KSR1: variants seen among roughly 807,000 people sequenced by gnomAD.
KSR1 encodes the protein kinase suppressor of ras 1.
Under a neutral mutation model 92.9 loss-of-function variants are expected in KSR1, and 35 were observed. That is an observed-to-expected ratio of 0.38 (90% CI 0.29 to 0.50). KSR1 has a LOEUF of 0.50. Among genes scored for constraint, KSR1 ranks in the 20% least tolerant of loss-of-function variants. The pLI, the probability that KSR1 is intolerant of heterozygous loss-of-function variation, is 0.94. For missense variants in KSR1, 972 were observed against 1,158.5 expected, an observed-to-expected ratio of 0.84 and a Z score of 2.34; for synonymous variants, 467 against 472.6, an observed-to-expected ratio of 0.99 and a Z score of 0.15.
At chr17:27,566,990 G>T (rs1017581508) in intron 2 of KSR1, among the ~76,000 whole-genome samples, 1 of 152,162 alleles carries the variant, frequency 6.6e-6, no homozygotes, top group Admixed American at 6.5e-5. Flanking sequence ...TGACTTTGGG[G>T]TCACACAGAC....
chr17:27,590,915 G>T (rs543824081), intron 7 of KSR1, 21 bp downstream of exon 7: 1 of 1,594,864 alleles, frequency 6.3e-7, no homozygotes, highest in African/African-American at 1.3e-5. Flanking sequence ...GAGGAGTGGG[G>T]GTGGGGGGAG....
chr17:27,544,322 C>T (rs917958470), intron 1 of KSR1, among the ~76,000 whole-genome samples: 5 of 152,148 alleles, frequency 3.3e-5, no homozygotes, highest in African/African-American at 9.7e-5. Flanking sequence ...ACTTTGTATA[C>T]GGCAACTCAC....
chr17:27,470,248 T>A (rs1453322160), intron 1 of KSR1, among the ~76,000 whole-genome samples: 1 of 148,724 alleles, frequency 6.7e-6, no homozygotes, highest in Non-Finnish European at 1.5e-5. Flanking sequence ...GTGTTTTTTT[T>A]TTTTTTTTTT....
chr17:27,540,708 A>C (rs1161555515), intron 1 of KSR1, among the ~76,000 whole-genome samples: 1 of 152,170 alleles, frequency 6.6e-6, no homozygotes, highest in Non-Finnish European at 1.5e-5. Context: ...CATGCCCATG[A>C]ATGTCAGCCC....
chr17:27,463,038 G>A (rs183465449), intron 1 of KSR1, among the ~76,000 whole-genome samples: 13 of 152,328 alleles, frequency 8.5e-5, no homozygotes, highest in Admixed American at 1.3e-4. Context: ...GCTGCAACGA[G>A]TATCTTCCTA....
intron 2 of KSR1, among the ~76,000 whole-genome samples, chr17:27,555,321 C>T (rs940958680): frequency 6.6e-6 from 1 of 152,134 alleles, no homozygotes; most frequent in African/African-American, 2.4e-5. Flanking sequence ...GTCTTTTCTC[C>T]TCCGTTTATT....
intron 9 of KSR1, among the ~76,000 whole-genome samples, chr17:27,595,911 GC>G (rs1263096077): frequency 2.6e-5 from 4 of 152,230 alleles, no homozygotes; most frequent in African/African-American, 7.2e-5. Context: ...CGTGGGCAAA[GC>G]CCTTGGCTTC....
rs1015722171 is a variant in KSR1 at position 27,569,894 on chromosome 17, T to C, written c.373-7598T>C. 6.6e-5 allele frequency among the ~76,000 whole-genome samples: 10 copies of C among 152,292 alleles called. No homozygotes were observed. In the East Asian group the frequency reaches 1.7e-3, roughly 26 times the overall value. ...GAGGAATGGGGCCTTTCCACGCTGA[T>C]AGGGAGAGCAAGGAGGCAGCCACAG... On this transcript the variant is annotated intron_variant, in intron 2 of 20. Transcript: ENST00000644974.
chr17:27,472,203 C>G (rs1240053085), intron 1 of KSR1: 1 of 152,584 alleles, frequency 6.6e-6, no homozygotes, highest in East Asian at 1.9e-4. Flanking sequence ...TGATTTGTGG[C>G]TCTGGTTGGG....
rs747321980 is a variant in KSR1 at position 27,610,112 on chromosome 17, G to T, written c.2271G>T (p.Leu757=). The change falls in exon 17 of 21, where the codon CTG becomes CTT. Residue 757 remains leucine, a synonymous_variant. Transcript: ENST00000644974. Reference sequence around the variant, plus strand: ...TGTCCCACGACTGGCTGTGCTATCTGGCCCCTGAGATTGTACGCGAGATGA... The same window carrying T: ...TGTCCCACGACTGGCTGTGCTATCTTGCCCCTGAGATTGTACGCGAGATGA... ...LKLSHDWLCY[L]APEIVREMTP... is the part of the protein sequence containing the mutation. The T allele has an allele frequency of 1.9e-6, 3 of 1,614,020 alleles. No homozygotes were observed. The highest frequency in any genetic ancestry group is 2.5e-6 in the Non-Finnish European group (3 of 1,179,878).
intron 1 of KSR1, among the ~76,000 whole-genome samples, chr17:27,534,942 G>A (rs1055808739): frequency 6.6e-6 from 1 of 152,176 alleles, no homozygotes; most frequent in East Asian, 1.9e-4. Context: ...GAGCTTTGAA[G>A]ATTATTTAGT....
chr17:27,621,070 G>A (rs1422786450), intron 19 of KSR1, 123 bp from the exon 20 acceptor site: 1 of 397,328 alleles, frequency 2.5e-6, no homozygotes, highest in African/African-American at 2.1e-5. Context: ...GTGCTGTTCT[G>A]TCATCTCCCA....
intron 19 of KSR1, 103 bp downstream of exon 19, chr17:27,617,531 T>C (rs4260103): frequency 0.1 from 143,008 of 1,396,322 alleles, 8,943 homozygotes; most frequent in South Asian, 0.25. Context: ...ACTTTGTTTT[T>C]TGGGGTTTTT....
chr17:27,501,405 G>T (rs1369928702), intron 1 of KSR1, among the ~76,000 whole-genome samples: 1 of 137,448 alleles, frequency 7.3e-6, no homozygotes, highest in Non-Finnish European at 1.5e-5. Flanking sequence ...GCAGAAATTT[G>T]CATAATTAAG....
At chr17:27,569,030 A>G (rs893672600) in intron 2 of KSR1, among the ~76,000 whole-genome samples, 2 of 152,132 alleles carry the variant, frequency 1.3e-5, no homozygotes, top group African/African-American at 2.4e-5. Flanking sequence ...ATCCTGACCC[A>G]CTTTTCCTTT....
At chr17:27,496,762 C>T (rs1213506163) in intron 1 of KSR1, among the ~76,000 whole-genome samples, 12 of 152,306 alleles carry the variant, frequency 7.9e-5, no homozygotes, top group Admixed American at 7.8e-4. Flanking sequence ...CTGCCAAACG[C>T]AGGGCCTCTT....
Position 27,540,803 on chromosome 17 carries a change from C to T in KSR1, c.232-9765C>T, listed in dbSNP as rs184646625. ...TCGGAGCTGGGTGCTATGGTCGCTG[C>T]GTGCCTGTGCGTGGAACTGTCAGCT... On this transcript the variant is annotated intron_variant, in intron 1 of 20. Coordinates refer to ENST00000644974, the MANE Select transcript of KSR1 (RefSeq NM_001394583.1). Among the ~76,000 whole-genome samples the T allele has an allele frequency of 3.4e-4, 52 of 152,354 alleles. No individual in the cohort carries two copies. The East Asian group carries it at 5.2e-3, about 15-fold the overall frequency.
At chr17:27,491,300 TA>T (rs2150961724) in intron 1 of KSR1, among the ~76,000 whole-genome samples, 1 of 122,482 alleles carries the variant, frequency 8.2e-6, no homozygotes, top group South Asian at 2.9e-4. Context: ...AATTTTTTGT[TA>T]GTGGTGTGTG....
At chr17:27,479,646 C>T (rs1010624112) in intron 1 of KSR1, among the ~76,000 whole-genome samples, 1 of 152,168 alleles carries the variant, frequency 6.6e-6, no homozygotes, top group Non-Finnish European at 1.5e-5. Flanking sequence ...GCTTGGACTT[C>T]CCTTGAGAGC....
Sources: gnomAD v4.1 joint callset for allele counts (sites outside exome capture counted in the v4.1 genomes callset) on GRCh38, gnomAD v4.1.1 for gene constraint, MANE v1.5 for transcripts, NCBI Gene and HGNC (gene_info 2026-07-23, HGNC 2026-07-21) for gene names.